SRFBP1: variants seen among roughly 807,000 people sequenced by gnomAD.
The protein encoded by SRFBP1 is serum response factor-binding protein 1.
Under a neutral mutation model 45.5 loss-of-function variants are expected in SRFBP1, and 47 were observed. The ratio of observed to expected loss-of-function variants is 1.03; its 90% confidence interval spans 0.82 to 1.32. The LOEUF is 1.32. Ranked by LOEUF, SRFBP1 falls within the 40% of genes most tolerant of loss-of-function variation. SRFBP1 has a pLI of 0.00. For missense variants in SRFBP1, 621 were observed against 484.6 expected, an observed-to-expected ratio of 1.28 and a Z score of -2.64; for synonymous variants, 203 against 166.3, an observed-to-expected ratio of 1.22 and a Z score of -1.70.
intron 4 of SRFBP1, among the ~76,000 whole-genome samples, chr5:122,000,591 C>T (rs998472979): frequency 6.6e-6 from 1 of 152,050 alleles, no homozygotes; most frequent in East Asian, 1.9e-4. Flanking sequence ...TGTCTTTCTG[C>T]ACTTTGTCAT....
intron 2 of SRFBP1, among the ~76,000 whole-genome samples, chr5:122,051,100 C>G (rs991655447): frequency 6.6e-5 from 10 of 152,046 alleles, no homozygotes; most frequent in Non-Finnish European, 1.0e-4. Context: ...TTTTATTGCA[C>G]TGTTATTCTG....
chr5:122,074,006 A>C, intron 2 of SRFBP1: 1 of 1,609,812 alleles, frequency 6.2e-7, no homozygotes, highest in Non-Finnish European at 8.5e-7. Flanking sequence ...TCAGGGTGCC[A>C]ACATACCTGT....
At chr5:122,034,483 T>G (rs1393927160) in intron 2 of SRFBP1, among the ~76,000 whole-genome samples, 1 of 152,134 alleles carries the variant, frequency 6.6e-6, no homozygotes, top group African/African-American at 2.4e-5. Context: ...ATTGTCCATC[T>G]TTAATGACAT....
chr5:121,972,207 G>A (rs1752213195), intron 1 of SRFBP1, among the ~76,000 whole-genome samples: 1 of 151,920 alleles, frequency 6.6e-6, no homozygotes, highest in South Asian at 2.1e-4. Flanking sequence ...GGCTCTAAAA[G>A]ACAGTTAAAA....
chr5:121,965,534 G>T (rs1400259064), intron 1 of SRFBP1, among the ~76,000 whole-genome samples: 1 of 152,118 alleles, frequency 6.6e-6, no homozygotes, highest in East Asian at 1.9e-4. Context: ...CCTCTGTTCT[G>T]TTCCATTGGT....
At chr5:121,967,525 G>A (rs1752097132) in intron 1 of SRFBP1, among the ~76,000 whole-genome samples, 1 of 152,064 alleles carries the variant, frequency 6.6e-6, no homozygotes, top group Non-Finnish European at 1.5e-5. Context: ...GATAAAATTA[G>A]GGTCCTCTTC....
intron 7 of SRFBP1, among the ~76,000 whole-genome samples, chr5:122,023,031 G>A (rs1378853107): frequency 6.6e-6 from 1 of 152,216 alleles, no homozygotes; most frequent in Non-Finnish European, 1.5e-5. Flanking sequence ...GCCAATAGAA[G>A]GGAATGGAGT....
chr5:121,974,827 A>C (rs1752268900), intron 2 of SRFBP1, among the ~76,000 whole-genome samples: 2 of 151,910 alleles, frequency 1.3e-5, no homozygotes. Context: ...TTTATGATGT[A>C]AGCATGAATA....
At chr5:122,068,607 G>A (rs1020722679) in intron 2 of SRFBP1, among the ~76,000 whole-genome samples, 1 of 152,066 alleles carries the variant, frequency 6.6e-6, no homozygotes, top group Non-Finnish European at 1.5e-5. Context: ...CCTGACAATG[G>A]GTATACAACA....
chr5:122,037,327 T>G (rs2112726297), intron 2 of SRFBP1, among the ~76,000 whole-genome samples: 1 of 152,268 alleles, frequency 6.6e-6, no homozygotes, highest in South Asian at 2.1e-4. Context: ...AAATTATTTG[T>G]CTCTAATCCA....
At chr5:121,988,731 T>G (rs1430936540) in intron 3 of SRFBP1, among the ~76,000 whole-genome samples, 1 of 152,198 alleles carries the variant, frequency 6.6e-6, no homozygotes, top group African/African-American at 2.4e-5. Context: ...CTGATCAGAT[T>G]GGTACCTTGT....
Position 122,020,733 on chromosome 5 carries a change from C to A in SRFBP1, c.998C>A (p.Pro333Gln). The A allele has an allele frequency of 1.2e-6, 2 of 1,608,696 alleles. No homozygotes were observed. The highest frequency in any genetic ancestry group is 8.5e-7 in the Non-Finnish European group (1 of 1,178,706). Residue 333 changes from proline (P) to glutamine (Q), a missense_variant, in exon 6 of 8, where the codon CCA becomes CAA. Transcript: ENST00000339397. ...HGDTRNDKIKPSTETRKLESV... is the reference protein window; with the variant it reads ...HGDTRNDKIKQSTETRKLESV... ...GATACAAGAAATGACAAAATCAAGC[C>A]AAGTACAGAAACCAGAAAGTTAGAA...
intron 2 of SRFBP1, among the ~76,000 whole-genome samples, chr5:122,051,792 A>G (rs1228146670): frequency 6.6e-6 from 1 of 152,042 alleles, no homozygotes; most frequent in Non-Finnish European, 1.5e-5. Context: ...TGATCCTGTC[A>G]TCATGTTCTT....
rs556379510 is a variant in SRFBP1 at position 121,992,974 on chromosome 5, C to T, written c.199-1625C>T. ...CCCCTTGTCTCCGACCCAGGAGCCT[C>T]GTGTCTTCTACCGACATCTGTGATA... is the stretch of plus-strand genomic sequence containing the variant. On this transcript the variant is annotated intron_variant, in intron 3 of 7. Transcript: ENST00000339397. 7.2e-5 allele frequency among the ~76,000 whole-genome samples: 11 copies of T among 152,176 alleles called. No individual in the cohort carries two copies. The South Asian group carries it at 1.9e-3, about 26-fold the overall frequency.
In SRFBP1 at chr5:121,962,053, G is replaced by A; in HGVS notation, c.21G>A (p.Leu7=). 6.2e-7 allele frequency: 1 copy of A among 1,614,124 alleles called. No individual in the cohort carries two copies. The part of the protein sequence containing the change: MAQPGT[L]NLNNEVVKMR... ...CTACCATGGCTCAGCCGGGAACTCT[G>A]AACCTCAATAACGAGGTGAGCGCCG... The change falls in exon 1 of 8, where the codon CTG becomes CTA. Residue 7 remains leucine, a synonymous_variant. Coordinates refer to ENST00000339397, the MANE Select transcript of SRFBP1 (RefSeq NM_152546.3).
At chr5:121,962,400 G>C (rs1395176866) in intron 1 of SRFBP1, among the ~76,000 whole-genome samples, 2 of 152,188 alleles carry the variant, frequency 1.3e-5, no homozygotes, top group African/African-American at 4.8e-5. Context: ...GATACGTAAA[G>C]TATTTGCAAG....
rs201435305 is a variant in SRFBP1 at position 121,974,155 on chromosome 5, A to G, written c.37-41A>G. 315 of 1,399,888 alleles carry G rather than the reference A, an allele frequency of 2.3e-4. 1 individual carries two copies. The African/African-American group carries it at 4.0e-3, about 18-fold the overall frequency. The allele number at this position is 1,399,888 out of a possible 1,614,324, so 86.7% of individuals were successfully genotyped here. ...CAAAATAAAGTGTGTTTGTTCCTGA[A>G]GTAAGTGCCTTTCTTCTAATTATTG... On this transcript the variant is annotated intron_variant, in intron 1 of 7. Transcript: ENST00000339397.
At position 121,974,371 on chromosome 5, in the gene SRFBP1, A is replaced by G. The variant is rs536039865; in HGVS notation, c.125+87A>G. On this transcript the variant is annotated intron_variant, in intron 2 of 7. Coordinates refer to ENST00000339397, the MANE Select transcript of SRFBP1 (RefSeq NM_152546.3). Reference sequence around the variant, plus strand: ...TACTTTAAAATGTTTAGGGTGGGATATAGAGAAGTAATTAAATGTCTTATA... The same window carrying G: ...TACTTTAAAATGTTTAGGGTGGGATGTAGAGAAGTAATTAAATGTCTTATA... The G allele has an allele frequency of 2.3e-5, 21 of 912,378 alleles. No homozygotes were observed. The South Asian group carries it at 2.9e-4, about 13-fold the overall frequency. 56.5% of individuals were successfully genotyped at this position (912,378 alleles called of 1,614,324 possible).
At chr5:122,022,929 C>T (rs78855773) in intron 7 of SRFBP1, among the ~76,000 whole-genome samples, 6,737 of 152,278 alleles carry the variant, frequency 0.044, 171 homozygotes, top group African/African-American at 0.06. Context: ...GATGAATTAG[C>T]AGAGAGGCTG....
Sources: allele counts gnomAD v4.1 joint callset (sites outside exome capture counted in the v4.1 genomes callset), GRCh38; gene constraint gnomAD v4.1.1; transcripts MANE v1.5; gene names NCBI Gene and HGNC (gene_info 2026-07-23, HGNC 2026-07-21).